USP48: variants seen among roughly 807,000 people sequenced by gnomAD.
USP48 encodes ubiquitin specific peptidase 48, also known as ubiquitin carboxyl-terminal hydrolase 48.
Under a neutral mutation model 150.7 loss-of-function variants are expected in USP48, and 43 were observed. The ratio of observed to expected loss-of-function variants is 0.29; its 90% confidence interval spans 0.22 to 0.37. USP48 has a LOEUF of 0.37. Ranked by LOEUF, USP48 falls within the 10% of genes least tolerant of loss-of-function variation. The pLI, the probability that USP48 is intolerant of heterozygous loss-of-function variation, is 1.00. For missense variants in USP48, 813 were observed against 1,249.6 expected, an observed-to-expected ratio of 0.65 and a Z score of 5.27; for synonymous variants, 396 against 425.9, an observed-to-expected ratio of 0.93 and a Z score of 0.86.
At chr1:21,694,608 C>CAAAAAAAAAAA (rs1491189889) in intron 23 of USP48, among the ~76,000 whole-genome samples, 12 of 28,984 alleles carry the variant, frequency 4.1e-4, no homozygotes, top group East Asian at 1.4e-3. Flanking sequence ...AAAAAAAAAA[C>CAAAAAAAAAAA]CCCCTCTATC....
chr1:21,781,622 T>A (rs2097914732), intron 1 of USP48, among the ~76,000 whole-genome samples: 1 of 152,098 alleles, frequency 6.6e-6, no homozygotes, highest in African/African-American at 2.4e-5. Context: ...TAATCCCAGC[T>A]ACTCCGGAGG....
chr1:21,721,845 AAC>A, intron 12 of USP48, 81 bp from the exon 13 acceptor site: 2 of 1,004,986 alleles, frequency 2.0e-6, no homozygotes, highest in Non-Finnish European at 2.8e-6. Flanking sequence ...GCACTTCACA[AAC>A]ACAGACACAT....
intron 1 of USP48, among the ~76,000 whole-genome samples, chr1:21,781,036 G>A (rs1414973298): frequency 6.7e-6 from 1 of 148,996 alleles, no homozygotes; most frequent in East Asian, 2.0e-4. Context: ...CACCGCACCC[G>A]GCCTATTCTT....
At chr1:21,718,587 C>T (rs1338424576) in intron 14 of USP48, among the ~76,000 whole-genome samples, 10 of 147,928 alleles carry the variant, frequency 6.8e-5, no homozygotes, top group Non-Finnish European at 1.0e-4. Context: ...GAGACGGTGT[C>T]GTGCTCTGTC....
intron 15 of USP48, among the ~76,000 whole-genome samples, chr1:21,712,013 T>A (rs2097691460): frequency 6.6e-6 from 1 of 152,260 alleles, no homozygotes; most frequent in Non-Finnish European, 1.5e-5. Context: ...GTTTACTTAC[T>A]CATCAGTAGA....
chr1:21,686,933 A>G, intron 25 of USP48: 1 of 493,182 alleles, frequency 2.0e-6, no homozygotes, highest in Non-Finnish European at 3.6e-6. Flanking sequence ...AATCTGACTT[A>G]GTTTTGCTTC....
rs552339897 is a variant in USP48 at position 21,777,474 on chromosome 1, G to T, written c.134+5350C>A. On this transcript the variant is annotated intron_variant, in intron 1 of 26. Transcript: ENST00000308271. ...GAGGCTAAAGGTTCAAGGTCAGCCT[G>T]GGTAACATAGTAAGACCCCAACTCT... 1.1e-4 allele frequency among the ~76,000 whole-genome samples: 17 copies of T among 152,184 alleles called. No homozygotes were observed. In the South Asian group the frequency reaches 3.3e-3, roughly 30 times the overall value.
intron 21 of USP48, 42 bp downstream of exon 21, chr1:21,703,470 C>A: frequency 1.3e-6 from 2 of 1,502,738 alleles, no homozygotes; most frequent in Non-Finnish European, 1.8e-6. Flanking sequence ...CCAAAGAGCA[C>A]GCTTGATCAT....
intron 24 of USP48, among the ~76,000 whole-genome samples, chr1:21,689,334 C>T (rs112014516): frequency 0.051 from 3,959 of 77,518 alleles, 89 homozygotes; most frequent in Non-Finnish European, 0.07. Context: ...AAGCGGGGGG[C>T]GGGGGGTTGG....
At chr1:21,739,592 T>C (rs1383642834) in intron 8 of USP48, among the ~76,000 whole-genome samples, 1 of 150,650 alleles carries the variant, frequency 6.6e-6, no homozygotes, top group East Asian at 1.9e-4. Flanking sequence ...TGATGTTTGA[T>C]ATGTTTACAT....
intron 2 of USP48, 158 bp from the exon 3 acceptor site, chr1:21,756,860 A>G (rs2097837325): frequency 1.0e-6 from 1 of 985,412 alleles, no homozygotes; most frequent in Non-Finnish European, 1.2e-6. Context: ...GGTGGGGCAT[A>G]ATTTTCATGA....
chr1:21,770,020 C>T (rs2097874557), intron 1 of USP48, among the ~76,000 whole-genome samples: 1 of 152,006 alleles, frequency 6.6e-6, no homozygotes. Flanking sequence ...TATACTCACA[C>T]ACTGAAATAA....
intron 15 of USP48, among the ~76,000 whole-genome samples, chr1:21,711,335 C>T (rs1452885571): frequency 1.3e-5 from 2 of 152,178 alleles, no homozygotes; most frequent in Admixed American, 6.5e-5. Flanking sequence ...GATGGAAAGT[C>T]TATTTAAGAA....
At chr1:21,761,091 T>A (rs2097848841) in intron 1 of USP48, among the ~76,000 whole-genome samples, 1 of 149,822 alleles carries the variant, frequency 6.7e-6, no homozygotes, top group Non-Finnish European at 1.5e-5. Context: ...GGAAACTTTG[T>A]CTCAAAAGAA....
chr1:21,716,864 TA>T (rs910092592), intron 14 of USP48, among the ~76,000 whole-genome samples: 5 of 151,864 alleles, frequency 3.3e-5, no homozygotes, highest in African/African-American at 9.7e-5. Context: ...TCGTCTCTAC[TA>T]AAAATACAAA....
At chr1:21,759,195 A>AG (rs1458666255) in intron 1 of USP48, among the ~76,000 whole-genome samples, 4 of 151,320 alleles carry the variant, frequency 2.6e-5, no homozygotes, top group Non-Finnish European at 4.4e-5. Flanking sequence ...AAAAAAAAAA[A>AG]AAAAAAAAAA....
intron 22 of USP48, among the ~76,000 whole-genome samples, chr1:21,696,012 A>C (rs983954889): frequency 7.2e-5 from 11 of 152,210 alleles, no homozygotes; most frequent in Middle Eastern, 3.2e-3. Context: ...ATTTACGCCC[A>C]CCTTTCAATT....
At chr1:21,778,842 C>T (rs1309644390) in intron 1 of USP48, among the ~76,000 whole-genome samples, 1 of 151,616 alleles carries the variant, frequency 6.6e-6, no homozygotes, top group African/African-American at 2.4e-5. Flanking sequence ...CTCTGCCTCC[C>T]GGGTTCGTGC....
At chr1:21,755,564 A>G (rs1358900853) in intron 3 of USP48, among the ~76,000 whole-genome samples, 1 of 151,976 alleles carries the variant, frequency 6.6e-6, no homozygotes, top group African/African-American at 2.4e-5. Context: ...AAAACAAACA[A>G]ACAATAAAAA....
Sources: allele counts gnomAD v4.1 joint callset (sites outside exome capture counted in the v4.1 genomes callset), GRCh38; gene constraint gnomAD v4.1.1; transcripts MANE v1.5; gene names NCBI Gene and HGNC (gene_info 2026-07-23, HGNC 2026-07-21).